The following JAK1 variants were observed in gnomAD, a reference collection of about 807,000 sequenced individuals.
The protein encoded by JAK1 is tyrosine-protein kinase JAK1.
A neutral mutation model predicts 136.6 loss-of-function variants in JAK1; 16 were observed. The observed-to-expected ratio is 0.12, with a 90% CI of 0.08 to 0.18. The LOEUF (loss-of-function observed/expected upper bound fraction) is 0.18. Among genes scored for constraint, JAK1 ranks in the 10% least tolerant of loss-of-function variants. The pLI is 1.00. For synonymous variants in JAK1, 492 were observed against 519.5 expected, an observed-to-expected ratio of 0.95 and a Z score of 0.72; for missense variants, 859 against 1,450.1, an observed-to-expected ratio of 0.59 and a Z score of 6.62.
In JAK1 at chr1:65,042,921, C is replaced by T. The variant is rs1471195163; in HGVS notation, c.-78+1559G>A. ...GGCCAGAGAGAGAAGTGTAAAGATTCTCCTAGTGCTTCTGCAAGAGAACCA... is the reference window on the plus strand; with the variant it reads ...GGCCAGAGAGAGAAGTGTAAAGATTTTCCTAGTGCTTCTGCAAGAGAACCA... On this transcript the variant is annotated intron_variant, in intron 2 of 25. Coordinates refer to the JAK1 transcript ENST00000671954. Among the ~76,000 whole-genome samples the T allele has an allele frequency of 3.9e-5, 6 of 152,264 alleles. No individual in the cohort carries two copies. The East Asian group carries it at 9.7e-4, about 25-fold the overall frequency.
chr1:64,900,482 G>C (rs1325630488), intron 1 of JAK1, among the ~76,000 whole-genome samples: 2 of 152,150 alleles, frequency 1.3e-5, no homozygotes, highest in Non-Finnish European at 2.9e-5. Context: ...TAGAAGGCAG[G>C]CTGGGGTCAG....
chr1:64,848,297 T>TC (rs1655370435), intron 12 of JAK1, among the ~76,000 whole-genome samples: 1 of 152,216 alleles, frequency 6.6e-6, no homozygotes, highest in Admixed American at 6.5e-5. Flanking sequence ...CCATGTGTTA[T>TC]CTGAAGCCCT....
rs375619995 is a variant in JAK1 at position 65,011,636 on chromosome 1, A to C, written c.-78+32844T>G. On this transcript the variant is annotated intron_variant, in intron 2 of 25. Coordinates refer to the JAK1 transcript ENST00000671954. ...TACCTGGTAAACTAGATCATAGTTT[A>C]TTTTATAGTATAAGGAGACATATTT... 1.2e-4 allele frequency among the ~76,000 whole-genome samples: 18 copies of C among 152,324 alleles called. 1 individual carries two copies. Among genetic ancestry groups the C allele is most frequent in the Admixed American group, 3.3e-4 (5 of 15,290 alleles).
chr1:64,933,743 A>C (rs573101325), intron 1 of JAK1, among the ~76,000 whole-genome samples: 1 of 152,138 alleles, frequency 6.6e-6, no homozygotes, highest in South Asian at 2.1e-4. Context: ...ATAAAAAGGG[A>C]ACTGTCTATT....
At chr1:64,913,645 AAGGAAGGAAAGAAGG>A (rs1645327023) in intron 1 of JAK1, among the ~76,000 whole-genome samples, 1 of 105,950 alleles carries the variant, frequency 9.4e-6, no homozygotes. Flanking sequence ...GGAAGGGAGG[AAGGAAGGAAAGAAGG>A]AAGGAAGGAA....
intron 1 of JAK1, among the ~76,000 whole-genome samples, chr1:64,938,725 T>C (rs1645835013): frequency 6.6e-6 from 1 of 152,190 alleles, no homozygotes; most frequent in African/African-American, 2.4e-5. Flanking sequence ...CAACTAAAAG[T>C]AGAGTTCATT....
chr1:64,949,282 G>T (rs1339384784), intron 1 of JAK1, among the ~76,000 whole-genome samples: 1 of 152,098 alleles, frequency 6.6e-6, no homozygotes, highest in Non-Finnish European at 1.5e-5. Flanking sequence ...TAAGCAAAGG[G>T]CAATACATCA....
intron 9 of JAK1, among the ~76,000 whole-genome samples, chr1:64,858,051 A>C (rs760654754): frequency 6.6e-6 from 1 of 152,148 alleles, no homozygotes; most frequent in Non-Finnish European, 1.5e-5. Context: ...TTCCCTACAG[A>C]CATCATCTCC....
At chr1:64,908,387 G>A (rs1465258461) in intron 1 of JAK1, among the ~76,000 whole-genome samples, 1 of 152,070 alleles carries the variant, frequency 6.6e-6, no homozygotes, top group African/African-American at 2.4e-5. Context: ...TTCCACTTGT[G>A]CCATTCCTTT....
intron 1 of JAK1, among the ~76,000 whole-genome samples, chr1:65,055,491 T>C (rs1647490988): frequency 6.6e-6 from 1 of 152,222 alleles, no homozygotes; most frequent in African/African-American, 2.4e-5. Flanking sequence ...GTGCCGCCTT[T>C]CACATCTTTT....
intron 2 of JAK1, among the ~76,000 whole-genome samples, chr1:64,981,967 T>A (rs1455087881): frequency 6.6e-6 from 1 of 152,168 alleles, no homozygotes; most frequent in Non-Finnish European, 1.5e-5. Context: ...GTCCTGGAGA[T>A]GTAAAAAGAA....
chr1:64,965,680 C>T (rs774362182), intron 1 of JAK1, among the ~76,000 whole-genome samples: 9 of 152,166 alleles, frequency 5.9e-5, no homozygotes, highest in Non-Finnish European at 8.8e-5. Flanking sequence ...CCCACTGTTC[C>T]CCTTCCCTGG....
At chr1:65,066,757 C>T (rs1420613833) in intron 1 of JAK1, 1 of 153,608 alleles carries the variant, frequency 6.5e-6, no homozygotes, top group African/African-American at 2.4e-5. Context: ...TCCTCCTCCT[C>T]CTCCGGCACC....
intron 9 of JAK1, among the ~76,000 whole-genome samples, chr1:64,859,373 T>A (rs1304306690): frequency 6.6e-6 from 1 of 152,204 alleles, no homozygotes; most frequent in Non-Finnish European, 1.5e-5. Flanking sequence ...TACAGCTCCA[T>A]ATCAGAAAGG....
At chr1:64,929,584 A>C (rs1231661979) in intron 1 of JAK1, among the ~76,000 whole-genome samples, 1 of 152,200 alleles carries the variant, frequency 6.6e-6, no homozygotes, top group Non-Finnish European at 1.5e-5. Flanking sequence ...ACTTTACCAT[A>C]AGTAAATGGA....
At chr1:64,839,975 GGCC>G (rs1173806323) in intron 19 of JAK1, among the ~76,000 whole-genome samples, 180 bp from the exon 20 acceptor site, 1 of 152,210 alleles carries the variant, frequency 6.6e-6, no homozygotes, top group Non-Finnish European at 1.5e-5. Flanking sequence ...TCGCTCTCTT[GGCC>G]TCACAAACTG....
chr1:64,885,323 T>C (rs188050552), intron 2 of JAK1, among the ~76,000 whole-genome samples: 4 of 152,314 alleles, frequency 2.6e-5, no homozygotes, highest in African/African-American at 9.6e-5. Context: ...TAATGTAAGA[T>C]AAACCTTTGT....
intron 1 of JAK1, among the ~76,000 whole-genome samples, chr1:64,961,783 G>T (rs1330925113): frequency 6.6e-6 from 1 of 152,120 alleles, no homozygotes; most frequent in Non-Finnish European, 1.5e-5. Context: ...TTTGACAAGG[G>T]CTCCACGCAG....
chr1:64,928,006 T>C (rs1240947446), intron 1 of JAK1, among the ~76,000 whole-genome samples: 1 of 152,200 alleles, frequency 6.6e-6, no homozygotes, highest in African/African-American at 2.4e-5. Context: ...AAAGACAATA[T>C]ATAGACTAGC....
Sources: gnomAD v4.1 joint callset for allele counts (sites outside exome capture counted in the v4.1 genomes callset) on GRCh38, gnomAD v4.1.1 for gene constraint, MANE v1.5 for transcripts, NCBI Gene and HGNC (gene_info 2026-07-23, HGNC 2026-07-21) for gene names.